Variants in KMT2A observed in about 807,000 individuals in gnomAD.
KMT2A encodes the protein lysine methyltransferase 2A, also known as histone-lysine N-methyltransferase 2A.
Under a neutral mutation model 345.3 loss-of-function variants are expected in KMT2A, and 16 were observed. That is an observed-to-expected ratio of 0.05 (90% CI 0.03 to 0.07). The LOEUF (loss-of-function observed/expected upper bound fraction) is 0.07. Among genes scored for constraint, KMT2A ranks in the 10% least tolerant of loss-of-function variants. The probability of loss-of-function intolerance (pLI) is 1.00; values close to 1 mark genes in which losing one functional copy is unlikely to be tolerated. For missense variants in KMT2A, 3,272 were observed against 4,841.6 expected (o/e 0.68, Z 9.62); for synonymous variants, 1,599 against 1,778.6 (o/e 0.90, Z 2.54).
chr11:118,499,922 C>T lies in KMT2A; in HGVS notation c.6158+9C>T, dbSNP rs200249108. The T allele has an allele frequency of 1.2e-4, 195 of 1,582,622 alleles. No individual in the cohort carries two copies. The highest frequency in any genetic ancestry group is 1.6e-4 in the Non-Finnish European group (182 of 1,151,524). On this transcript the variant is annotated intron_variant, in intron 24 of 35. Coordinates refer to ENST00000534358, the MANE Select transcript of KMT2A (RefSeq NM_001197104.2). ...TTTCCTATTGGATATCAGTAAGTAG[C>T]ACTATAAAGAGAAGAGAGCAGCCCC...
chr11:118,502,779 C>A lies in KMT2A; in HGVS notation c.6887C>A (p.Ala2296Asp), dbSNP rs782235146. The A allele has an allele frequency of 2.5e-6, 4 of 1,614,178 alleles. No homozygotes were observed. Among genetic ancestry groups the A allele is most frequent in the Non-Finnish European group, 2.5e-6 (3 of 1,180,034 alleles). The change falls in exon 27 of 36, where the codon GCT (alanine) becomes GAT (aspartate). Residue 2296 changes from alanine to aspartate, a missense_variant. Physicochemically the swap from Ala to Asp is moderately radical, Grantham distance 126. Around this residue, in one of 27 missense-constraint regions of KMT2A, gnomAD observed 445 missense variants for 500.9 expected, o/e 0.89. Transcript: ENST00000534358. The surrounding 1 kb of genome is among the most constrained non-coding windows in gnomAD (Gnocchi z 4.9). ...SSSSEMKQSS[A>D]SDLVSKSSSL... ...TCTTCAGAAATGAAGCAGTCCAGTG[C>A]TTCAGACTTGGTGTCCAAGAGCTCC...
rs926395348 is a variant in KMT2A at position 118,488,823 on chromosome 11, A to T, written c.4479+63A>T. 3.3e-6 allele frequency: 5 copies of T among 1,495,984 alleles called. No individual in the cohort carries two copies. The African/African-American group carries it at 5.5e-5, about 17-fold the overall frequency. 92.7% of individuals were successfully genotyped at this position (1,495,984 alleles called of 1,614,324 possible). On this transcript the variant is annotated intron_variant, in intron 11 of 35. Coordinates refer to ENST00000534358, the MANE Select transcript of KMT2A (RefSeq NM_001197104.2). Reference sequence around the variant, plus strand: ...GTATCAGTGGGTTCTGTATCCCTGGACTCAACCAACCTTGGATTGAATGTA... The same window carrying T: ...GTATCAGTGGGTTCTGTATCCCTGGTCTCAACCAACCTTGGATTGAATGTA...
intron 31 of KMT2A, among the ~76,000 whole-genome samples, chr11:118,513,724 A>T (rs1166444699): frequency 6.6e-6 from 1 of 152,004 alleles, no homozygotes; most frequent in African/African-American, 2.4e-5. Context: ...TGAGTCTAGG[A>T]GTTCAAGACC....
In KMT2A at chr11:118,472,092, G is replaced by A. The variant is rs781900603; in HGVS notation, c.933G>A (p.Arg311=). ...GAGGAAGGCCTCCATCAACAGAAAG[G>A]ATAAAGACCCCTTCGGGTCTCCTCA... ...RRRGRPPSTE[R]IKTPSGLLIN... Residue 311 remains arginine, a synonymous_variant, in exon 3 of 36, where the codon AGG becomes AGA. Coordinates refer to ENST00000534358, the MANE Select transcript of KMT2A (RefSeq NM_001197104.2). 7 of 1,613,792 alleles carry A rather than the reference G, an allele frequency of 4.3e-6. No homozygotes were observed. In the Admixed American group the frequency reaches 6.7e-5, roughly 15 times the overall value.
chr11:118,507,712 C>T (rs1950609787), intron 28 of KMT2A, 103 bp downstream of exon 28: 1 of 889,318 alleles, frequency 1.1e-6, no homozygotes, highest in Non-Finnish European at 1.8e-6. Flanking sequence ...CGCCTGTAAT[C>T]CTAGTAGTCT....
chr11:118,488,610 A>G lies in KMT2A; in HGVS notation c.4333-4A>G, dbSNP rs781970154. 9 of 1,613,302 alleles carry G rather than the reference A, an allele frequency of 5.6e-6. No individual in the cohort carries two copies. The highest frequency in any genetic ancestry group is 7.6e-6 in the Non-Finnish European group (9 of 1,179,474). ...ACTTCTATCTTCCCATGTTCTTACTATAGTTTGTGTATTGCCAAGTCTGTT... is the reference window on the plus strand; with the variant it reads ...ACTTCTATCTTCCCATGTTCTTACTGTAGTTTGTGTATTGCCAAGTCTGTT... On this transcript the variant is annotated splice_polypyrimidine_tract_variant and splice_region_variant and intron_variant, in intron 10 of 35. Transcript: ENST00000534358.
intron 31 of KMT2A, 43 bp from the exon 32 acceptor site, chr11:118,519,575 T>C (rs374441662): frequency 6.3e-6 from 10 of 1,575,300 alleles, no homozygotes; most frequent in Non-Finnish European, 8.7e-6. Context: ...CTGTTTCCTG[T>C]TGACTGCGCT....
In KMT2A at chr11:118,497,062, T is replaced by C. The variant is rs1555044183; in HGVS notation, c.5664+695T>C. Among the ~76,000 whole-genome samples the C allele has an allele frequency of 6.6e-6, 1 of 152,078 alleles. No individual in the cohort carries two copies. The highest frequency in any genetic ancestry group is 1.5e-5 in the Non-Finnish European group (1 of 68,010). On this transcript the variant is annotated intron_variant, in intron 20 of 35. Coordinates refer to ENST00000534358, the MANE Select transcript of KMT2A (RefSeq NM_001197104.2). This position sits in a 1 kb window ranked among gnomAD's most constrained non-coding sequence, Gnocchi z 4.8. ...TCTTGTTGCCCAGGCTGGAGTGCAATGGCGTGATCTCGGCTCACTACAACC... is the reference window on the plus strand; with the variant it reads ...TCTTGTTGCCCAGGCTGGAGTGCAACGGCGTGATCTCGGCTCACTACAACC...
In KMT2A at chr11:118,506,585, A is replaced by G; in HGVS notation, c.10693A>G (p.Thr3565Ala). 6.2e-7 allele frequency: 1 copy of G among 1,614,016 alleles called. No homozygotes were observed. Among genetic ancestry groups the G allele is most frequent in the Non-Finnish European group, 8.5e-7 (1 of 1,179,926 alleles). Residue 3565 changes from threonine to alanine, a missense_variant, in exon 27 of 36, where the codon ACC becomes GCC. By Grantham distance (58) the Thr-to-Ala change is moderately conservative. Coordinates refer to ENST00000534358, the MANE Select transcript of KMT2A (RefSeq NM_001197104.2). The part of the protein sequence containing the change: ...GKKHKVSHLR[T>A]SSSEAHIPDQ... ...GAAGCACAAAGTTTCCCATTTGCGG[A>G]CCAGTTCTTCTGAAGCACACATTCC...
chr11:118,452,853 C>T (rs567332519), intron 1 of KMT2A, among the ~76,000 whole-genome samples: 46 of 151,928 alleles, frequency 3.0e-4, no homozygotes, highest in Non-Finnish European at 5.4e-4. Context: ...AGGCTGGTCT[C>T]GAACTCCTGA....
chr11:118,507,448 C>T (rs1555048836), intron 27 of KMT2A, 81 bp from the exon 28 acceptor site: 2 of 1,202,904 alleles, frequency 1.7e-6, no homozygotes, highest in Non-Finnish European at 2.4e-6. Flanking sequence ...CTGATAGAGC[C>T]ATTTCTTTCG....
intron 22 of KMT2A, 77 bp from the exon 23 acceptor site, chr11:118,499,226 A>T: frequency 1.1e-6 from 1 of 899,260 alleles, no homozygotes; most frequent in Non-Finnish European, 1.9e-6. Context: ...TGTGCCTTCC[A>T]CTCTGAGACA....
intron 1 of KMT2A, chr11:118,447,487 GA>G: frequency 5.1e-6 from 1 of 197,910 alleles, no homozygotes; most frequent in Non-Finnish European, 1.1e-5. Flanking sequence ...CAGGTGCCAT[GA>G]TGCGACATTT....
rs547078253 is a variant in KMT2A, at chr11:118,498,237, ATC to A, written c.5803-131_5803-130del. Reference sequence around the variant, plus strand: ...TTCAACAGATAAAATGATAAATTTTATCTGTTTTCAATTTATCAATAGATAAA... The same window carrying A: ...TTCAACAGATAAAATGATAAATTTTATGTTTTCAATTTATCAATAGATAAA... On this transcript the variant is annotated intron_variant, in intron 21 of 35. Coordinates refer to ENST00000534358, the MANE Select transcript of KMT2A (RefSeq NM_001197104.2). The surrounding 1 kb of genome is among the most constrained non-coding windows in gnomAD (Gnocchi z 4.4). 4.6e-4 allele frequency: 541 copies of A among 1,183,560 alleles called. 1 individual carries two copies. Among genetic ancestry groups the A allele is most frequent in the Non-Finnish European group, 6.2e-4 (520 of 835,926 alleles). The allele number at this position is 1,183,560 out of a possible 1,614,324, so 73.3% of individuals were successfully genotyped here.
intron 10 of KMT2A, among the ~76,000 whole-genome samples, chr11:118,487,906 C>T (rs952162336): frequency 6.6e-6 from 1 of 152,182 alleles, no homozygotes; most frequent in Non-Finnish European, 1.5e-5. Flanking sequence ...GGAGGCTGGG[C>T]GTGGTGGCTC....
intron 1 of KMT2A, among the ~76,000 whole-genome samples, chr11:118,454,987 C>T (rs1371767992): frequency 2.0e-5 from 3 of 152,000 alleles, no homozygotes; most frequent in African/African-American, 7.3e-5. Flanking sequence ...CCACAGCTAA[C>T]ACCTCTCCAC....
rs1338659563 is a variant in KMT2A at position 118,473,724 on chromosome 11, C to A, written c.2565C>A (p.Pro855=). Residue 855 remains proline (P), a synonymous_variant, in exon 3 of 36, where the codon CCC becomes CCA. Coordinates refer to ENST00000534358, the MANE Select transcript of KMT2A (RefSeq NM_001197104.2). This position sits in a 1 kb window ranked among gnomAD's most constrained non-coding sequence, Gnocchi z 5.2. The part of the protein sequence containing the change: ...TERGRNKDKA[P]EELSKDRDAD... ...GAGGGAGAAATAAAGACAAGGCCCC[C>A]GAGGAGCTGTCCAAAGATCGAGATG... is the stretch of plus-strand genomic sequence containing the variant. 3.1e-6 allele frequency: 5 copies of A among 1,613,802 alleles called. No individual in the cohort carries two copies. Among genetic ancestry groups the A allele is most frequent in the Middle Eastern group, 1.6e-4 (1 of 6,084 alleles).
Position 118,436,973 on chromosome 11 carries a change from G to T in KMT2A, c.432+29G>T. 1.4e-6 allele frequency: 2 copies of T among 1,421,904 alleles called. No homozygotes were observed. Among genetic ancestry groups the T allele is most frequent in the Admixed American group, 2.6e-5 (1 of 38,406 alleles). The allele number at this position is 1,421,904 out of a possible 1,614,324, so 88.1% of individuals were successfully genotyped here. On this transcript the variant is annotated intron_variant, in intron 1 of 35. Transcript: ENST00000534358. This position sits in a 1 kb window ranked among gnomAD's most constrained non-coding sequence, Gnocchi z 6.9. Reference sequence around the variant, plus strand: ...AGGGGGCGAGGAACCCCCAGGTCCGGGGTCTCGACCCTCTGCGGAGCCCCC... The same window carrying T: ...AGGGGGCGAGGAACCCCCAGGTCCGTGGTCTCGACCCTCTGCGGAGCCCCC...
intron 23 of KMT2A, 56 bp from the exon 24 acceptor site, chr11:118,499,779 A>C: frequency 7.3e-7 from 1 of 1,365,280 alleles, no homozygotes. Flanking sequence ...GACTCTCTCA[A>C]AAAAATAAAA....
Sources: allele counts gnomAD v4.1 joint callset (sites outside exome capture counted in the v4.1 genomes callset), GRCh38; gene constraint gnomAD v4.1.1; regional missense constraint gnomAD v4.1.1; non-coding constraint Gnocchi (gnomAD v3.1); transcripts MANE v1.5; gene names NCBI Gene and HGNC (gene_info 2026-07-23, HGNC 2026-07-21).